SBF2: variants seen among roughly 807,000 people sequenced by gnomAD.
The protein encoded by SBF2 is SET binding factor 2.
Under a neutral mutation model 225.2 loss-of-function variants are expected in SBF2, and 112 were observed. That is an observed-to-expected ratio of 0.50 (90% CI 0.43 to 0.58). SBF2 has a LOEUF of 0.58. Ranked by LOEUF, SBF2 falls within the 20% of genes least tolerant of loss-of-function variation. The probability of loss-of-function intolerance (pLI) is 0.00; values close to 1 mark genes in which losing one functional copy is unlikely to be tolerated. For synonymous variants in SBF2, 763 were observed against 773.3 expected, an observed-to-expected ratio of 0.99 and a Z score of 0.22; for missense variants, 1,996 against 2,206.2, an observed-to-expected ratio of 0.90 and a Z score of 1.91.
chr11:10,296,032 C>T (rs1416318951), upstream of SBF2, among the ~76,000 whole-genome samples: 3 of 152,160 alleles, frequency 2.0e-5, no homozygotes, highest in Admixed American at 1.3e-4. Context: ...AACCATTAAG[C>T]AGTCATTCTC....
intron 2 of SBF2, among the ~76,000 whole-genome samples, chr11:10,079,922 G>A (rs1400632288): frequency 6.6e-6 from 1 of 151,998 alleles, no homozygotes; most frequent in African/African-American, 2.4e-5. Context: ...AAGCCAGAGA[G>A]ATTGAGATTC....
intron 2 of SBF2, among the ~76,000 whole-genome samples, chr11:10,101,203 C>G (rs1397429687): frequency 2.0e-5 from 3 of 152,168 alleles, no homozygotes; most frequent in Admixed American, 6.5e-5. Context: ...ACTATCCACT[C>G]TTCGTCTTAC....
At chr11:10,268,464 C>A (rs72850480) in intron 1 of SBF2, among the ~76,000 whole-genome samples, 8,207 of 152,168 alleles carry the variant, frequency 0.054, 306 homozygotes, top group Middle Eastern at 0.14. Flanking sequence ...ATACAGTACA[C>A]AAAAAGCTAC....
intron 2 of SBF2, among the ~76,000 whole-genome samples, chr11:10,155,413 G>A (rs1254068181): frequency 6.6e-6 from 1 of 151,942 alleles, no homozygotes; most frequent in Non-Finnish European, 1.5e-5. Flanking sequence ...ATAAGTATGA[G>A]GCCTCCCTGG....
At position 10,029,879 on chromosome 11, in the gene SBF2, C is replaced by G. The variant is rs751705151; in HGVS notation, c.403-4G>C. 8.2e-6 allele frequency: 13 copies of G among 1,575,930 alleles called. No homozygotes were observed. The highest frequency in any genetic ancestry group is 1.7e-5 in the Admixed American group (1 of 59,928). On this transcript the variant is annotated splice_polypyrimidine_tract_variant and splice_region_variant and intron_variant, in intron 4 of 39. Transcript: ENST00000256190. ...TATAGATCAAACCCAGGCAAGCCTG[C>G]AAAAAGATAAATACATGTAATTATT...
chr11:10,135,459 T>C (rs1247560212), intron 2 of SBF2, among the ~76,000 whole-genome samples: 2 of 152,190 alleles, frequency 1.3e-5, no homozygotes, highest in Admixed American at 6.5e-5. Context: ...TTCTATTGCA[T>C]TGTCAGGCTG....
chr11:10,233,505 A>ATTCATT (rs1565383717), intron 1 of SBF2, among the ~76,000 whole-genome samples: 2 of 151,694 alleles, frequency 1.3e-5, no homozygotes, highest in African/African-American at 4.8e-5. Flanking sequence ...GCTTAAAAGT[A>ATTCATT]TTCATTTTTT....
At chr11:10,273,072 A>G (rs892041539) in intron 1 of SBF2, among the ~76,000 whole-genome samples, 5 of 43,844 alleles carry the variant, frequency 1.1e-4, no homozygotes, top group Non-Finnish European at 2.8e-4. Context: ...TCCGTCTCCG[A>G]AAAAAAAAAT....
At chr11:9,945,637 T>C (rs1235330949) in intron 16 of SBF2, among the ~76,000 whole-genome samples, 1 of 151,860 alleles carries the variant, frequency 6.6e-6, no homozygotes, top group Non-Finnish European at 1.5e-5. Context: ...AAAGAAACTA[T>C]CTAAAGAGTA....
Position 9,859,704 on chromosome 11 carries a change from C to T in SBF2, c.1930-1308G>A, listed in dbSNP as rs138001118. On this transcript the variant is annotated intron_variant, in intron 17 of 39. Coordinates refer to ENST00000256190, the MANE Select transcript of SBF2 (RefSeq NM_030962.4). ...CAAAAGTTGGTTCATTTCTTAGGGA[C>T]GTATACCAGATATATAAGACATCTG... is the stretch of plus-strand genomic sequence containing the variant. Among the ~76,000 whole-genome samples the T allele has an allele frequency of 1.1e-4, 17 of 152,222 alleles. No homozygotes were observed. The East Asian group carries it at 2.7e-3, about 24-fold the overall frequency.
intron 13 of SBF2, among the ~76,000 whole-genome samples, chr11:9,986,306 C>A (rs1435746714): frequency 6.6e-6 from 1 of 152,084 alleles, no homozygotes; most frequent in East Asian, 1.9e-4. Flanking sequence ...AAGTTCACAG[C>A]CCTAAATGCC....
At chr11:10,152,965 T>C (rs1046613746) in intron 2 of SBF2, among the ~76,000 whole-genome samples, 1 of 152,152 alleles carries the variant, frequency 6.6e-6, no homozygotes, top group African/African-American at 2.4e-5. Flanking sequence ...AAATACAGAA[T>C]GTTTGGGAAG....
chr11:10,220,426 T>C (rs918652824), intron 1 of SBF2, among the ~76,000 whole-genome samples: 19 of 152,264 alleles, frequency 1.2e-4, no homozygotes, highest in Admixed American at 3.9e-4. Flanking sequence ...TAGATTCTTG[T>C]TCATTAACAT....
At chr11:10,168,055 C>T (rs1295028619) in intron 2 of SBF2, among the ~76,000 whole-genome samples, 2 of 152,092 alleles carry the variant, frequency 1.3e-5, no homozygotes, top group African/African-American at 4.8e-5. Context: ...GACCACATTC[C>T]ACCCATCACT....
At chr11:10,084,585 T>C (rs1590921813) in intron 2 of SBF2, among the ~76,000 whole-genome samples, 2 of 152,182 alleles carry the variant, frequency 1.3e-5, no homozygotes, top group East Asian at 3.8e-4. Flanking sequence ...ACTGGGTATC[T>C]ACTGAAAGGA....
intron 13 of SBF2, among the ~76,000 whole-genome samples, chr11:9,985,963 A>C (rs1161687894): frequency 6.6e-6 from 1 of 152,220 alleles, no homozygotes; most frequent in Admixed American, 6.5e-5. Context: ...CATTTCATCC[A>C]ACTACCACAG....
At position 9,993,094 on chromosome 11, in the gene SBF2, C is replaced by A. The variant is rs1947514137; in HGVS notation, c.1063G>T (p.Val355Leu). ...AATAATCTAAGGAAAACGGCTCGCA[C>A]CTCTTTATCCTAAAAATATAAGAAG... is the stretch of plus-strand genomic sequence containing the variant. ...LSHSKMLDKE[V>L]RAVFLRLFAQ... The change falls in exon 11 of 40, where the codon GTG (valine) becomes TTG (leucine). Residue 355 changes from valine (V) to leucine (L), a missense_variant. Transcript: ENST00000256190. The A allele has an allele frequency of 6.2e-7, 1 of 1,605,412 alleles. No individual in the cohort carries two copies. Among genetic ancestry groups the A allele is most frequent in the East Asian group, 2.2e-5 (1 of 44,728 alleles).
intron 2 of SBF2, among the ~76,000 whole-genome samples, chr11:10,068,523 T>G (rs1481183385): frequency 6.6e-6 from 1 of 152,232 alleles, no homozygotes; most frequent in African/African-American, 2.4e-5. Flanking sequence ...AATTTCAGAC[T>G]TGCTATTTAC....
intron 2 of SBF2, among the ~76,000 whole-genome samples, chr11:10,085,576 ATT>A (rs1951533421): frequency 1.3e-5 from 2 of 151,498 alleles, no homozygotes; most frequent in South Asian, 4.2e-4. Context: ...TTTCATCTGC[ATT>A]TGTCTTTTTG....
Sources: gnomAD v4.1 joint callset for allele counts (sites outside exome capture counted in the v4.1 genomes callset) on GRCh38, gnomAD v4.1.1 for gene constraint, MANE v1.5 for transcripts, NCBI Gene and HGNC (gene_info 2026-07-23, HGNC 2026-07-21) for gene names.